The following MTOR variants were observed in gnomAD, a reference collection of about 807,000 sequenced individuals.
MTOR encodes mechanistic target of rapamycin kinase, also known as serine/threonine-protein kinase mTOR.
Under a neutral mutation model 319.8 loss-of-function variants are expected in MTOR, and 70 were observed. The observed-to-expected ratio is 0.22, with a 90% confidence interval of 0.18 to 0.27. MTOR has a LOEUF of 0.27. Among genes scored for constraint, MTOR ranks in the 10% least tolerant of loss-of-function variants. The pLI is 1.00. For synonymous variants in MTOR, 1,183 were observed against 1,211.4 expected (o/e 0.98, Z 0.49); for missense variants, 1,890 against 3,274.4 (o/e 0.58, Z 10.32).
At chr1:11,113,478 C>A (rs937892815) in intron 53 of MTOR, among the ~76,000 whole-genome samples, 2 of 152,194 alleles carry the variant, frequency 1.3e-5, no homozygotes, top group African/African-American at 4.8e-5. Context: ...TCCCAGGCTG[C>A]AGGCTTGAAG....
chr1:11,254,925 C>G (rs1650164736), intron 5 of MTOR, among the ~76,000 whole-genome samples: 1 of 151,978 alleles, frequency 6.6e-6, no homozygotes. Context: ...ACACCAGGCC[C>G]AGCTAATTTT....
intron 29 of MTOR, among the ~76,000 whole-genome samples, chr1:11,160,373 T>C (rs1031411542): frequency 3.3e-5 from 5 of 152,180 alleles, no homozygotes; most frequent in African/African-American, 1.2e-4. Context: ...GTGCTGGGAT[T>C]GTAGGCGTGA....
At chr1:11,141,866 T>C (rs1331485349) in intron 34 of MTOR, among the ~76,000 whole-genome samples, 1 of 148,834 alleles carries the variant, frequency 6.7e-6, no homozygotes, top group Non-Finnish European at 1.5e-5. Flanking sequence ...CCAGGCGTGG[T>C]GGTGGGCGCC....
At chr1:11,230,627 T>C (rs141998355) in intron 18 of MTOR, among the ~76,000 whole-genome samples, 53 of 152,130 alleles carry the variant, frequency 3.5e-4, no homozygotes, top group African/African-American at 1.3e-3. Flanking sequence ...GAATGAGAGA[T>C]AGATAGAGGT....
At chr1:11,224,147 GACAA>G in intron 19 of MTOR, among the ~76,000 whole-genome samples, 1 of 152,014 alleles carries the variant, frequency 6.6e-6, no homozygotes, top group South Asian at 2.1e-4. Flanking sequence ...CTGGTTAAAA[GACAA>G]ACATTTTTAA....
At chr1:11,124,736 AC>A (rs1642732131) in intron 46 of MTOR, 103 bp from the exon 47 acceptor site, 1 of 1,252,410 alleles carries the variant, frequency 8.0e-7, no homozygotes, top group Non-Finnish European at 1.1e-6. Context: ...CATATGCCTT[AC>A]CTAATCACAC....
Position 11,238,057 on chromosome 1 carries a change from G to A in MTOR, c.2003-9C>T. 5 of 1,613,902 alleles carry A rather than the reference G, an allele frequency of 3.1e-6. No homozygotes were observed. The highest frequency in any genetic ancestry group is 4.2e-6 in the Non-Finnish European group (5 of 1,179,814). On this transcript the variant is annotated splice_polypyrimidine_tract_variant and intron_variant, in intron 12 of 57. Transcript: ENST00000361445. Reference sequence around the variant, plus strand: ...GTAGCGAATGTCAGGGTCTGCAAGAGCAATGGAGCCTTTGAACATTTCCTC... The same window carrying A: ...GTAGCGAATGTCAGGGTCTGCAAGAACAATGGAGCCTTTGAACATTTCCTC...
At chr1:11,227,466 G>A (rs922235566) in intron 19 of MTOR, among the ~76,000 whole-genome samples, 2 of 152,026 alleles carry the variant, frequency 1.3e-5, no homozygotes, top group African/African-American at 4.8e-5. Flanking sequence ...TATGATCAGA[G>A]GGAAAAGTAA....
At chr1:11,253,755 T>C (rs973998355) in intron 6 of MTOR, 84 bp downstream of exon 6, 1 of 1,474,772 alleles carries the variant, frequency 6.8e-7, no homozygotes, top group African/African-American at 1.4e-5. Flanking sequence ...AAATGTCAGC[T>C]CCATGAGGAC....
intron 9 of MTOR, among the ~76,000 whole-genome samples, chr1:11,242,877 T>C (rs566099284): frequency 1.1e-4 from 17 of 152,062 alleles, no homozygotes; most frequent in Non-Finnish European, 2.1e-4. Context: ...ACACTGAAAA[T>C]AGCATTGGCA....
chr1:11,148,456 C>T (rs909448607), intron 31 of MTOR, among the ~76,000 whole-genome samples: 2 of 152,080 alleles, frequency 1.3e-5, no homozygotes, highest in Admixed American at 6.5e-5. Context: ...CCTTATTATT[C>T]ATAATGAGCC....
chr1:11,110,012 T>C (rs1641777281), intron 54 of MTOR, among the ~76,000 whole-genome samples: 2 of 149,698 alleles, frequency 1.3e-5, no homozygotes, highest in African/African-American at 4.9e-5. Context: ...AAAAAAAAAT[T>C]TTTAAATCTG....
Position 11,243,270 on chromosome 1 carries a change from T to C in MTOR, c.1256A>G (p.His419Arg). 6.2e-7 allele frequency: 1 copy of C among 1,614,124 alleles called. No individual in the cohort carries two copies. Among genetic ancestry groups the C allele is most frequent in the Non-Finnish European group, 8.5e-7 (1 of 1,180,020 alleles). Residue 419 changes from histidine (H) to arginine (R), a missense_variant, in exon 9 of 58, where the codon CAT (histidine) becomes CGT (arginine). Transcript: ENST00000361445. ...CTCCTTCTTGACACAGCTTAGGACA[T>C]GGTTCATGGTATCTTGGAGATACTG... ...DTQYLQDTMN[H>R]VLSCVKKEKE...
At chr1:11,139,059 G>T in intron 36 of MTOR, 1 of 455,088 alleles carries the variant, frequency 2.2e-6, no homozygotes, top group South Asian at 4.7e-5. Flanking sequence ...GCACTTTCTA[G>T]ATACAAATAC....
chr1:11,210,962 G>C, intron 23 of MTOR, 56 bp from the exon 24 acceptor site: 1 of 1,094,900 alleles, frequency 9.1e-7, no homozygotes, highest in South Asian at 1.3e-5. Context: ...TGGAGAAAAA[G>C]TAGAGGAAAA....
Position 11,112,839 on chromosome 1 carries a change from T to G in MTOR, c.7366+13A>C, listed in dbSNP as rs1211772911. ...GGGGGAGAGCCTTTGCGACCTCCCGTGGATGCACCTACCGACTGACTGGCC... is the reference window on the plus strand; with the variant it reads ...GGGGGAGAGCCTTTGCGACCTCCCGGGGATGCACCTACCGACTGACTGGCC... On this transcript the variant is annotated intron_variant, in intron 54 of 57. Transcript: ENST00000361445. 6.2e-7 allele frequency: 1 copy of G among 1,614,116 alleles called. No homozygotes were observed.
intron 20 of MTOR, 35 bp downstream of exon 20, chr1:11,216,113 A>C: frequency 6.5e-7 from 1 of 1,528,052 alleles, no homozygotes; most frequent in Non-Finnish European, 9.1e-7. Context: ...CTTGACCCAA[A>C]CATGGAAGAG....
Position 11,109,390 on chromosome 1 carries a change from A to G in MTOR, c.7448-20T>C, listed in dbSNP as rs765078091. 1 of 1,608,972 alleles carries G rather than the reference A, an allele frequency of 6.2e-7. No homozygotes were observed. Among genetic ancestry groups the G allele is most frequent in the Non-Finnish European group, 8.5e-7 (1 of 1,175,964 alleles). The stretch of plus-strand genomic sequence containing the variant: ...CTCCAACTGGAATACACAAAAGTAG[A>G]AATAACTGTAAGAATGGGAGCAATA... On this transcript the variant is annotated intron_variant, in intron 55 of 57. Transcript: ENST00000361445. The surrounding 1 kb of genome is among the most constrained non-coding windows in gnomAD (Gnocchi z 4.0).
At chr1:11,154,556 T>G (rs558354296) in intron 30 of MTOR, among the ~76,000 whole-genome samples, 1 of 152,286 alleles carries the variant, frequency 6.6e-6, no homozygotes, top group African/African-American at 2.4e-5. Context: ...TGCCTAAGGC[T>G]AAGTTCACTA....
Sources: gnomAD v4.1 joint callset for allele counts (sites outside exome capture counted in the v4.1 genomes callset) on GRCh38, gnomAD v4.1.1 for gene constraint, Gnocchi (gnomAD v3.1) non-coding constraint, MANE v1.5 for transcripts, NCBI Gene and HGNC (gene_info 2026-07-23, HGNC 2026-07-21) for gene names.